NFYB: variants seen among roughly 807,000 people sequenced by gnomAD.
NFYB encodes CAAT box DNA-binding protein subunit B.
Under a neutral mutation model 28.0 loss-of-function variants are expected in NFYB, and 13 were observed. The observed-to-expected ratio is 0.46, with a 90% confidence interval of 0.30 to 0.74. The LOEUF (loss-of-function observed/expected upper bound fraction) is 0.74, where lower values mean the gene tolerates loss of function less well. Among genes scored for constraint, NFYB ranks in the 30% least tolerant of loss-of-function variants. The probability of loss-of-function intolerance (pLI) is 0.07; values close to 1 mark genes in which losing one functional copy is unlikely to be tolerated. For synonymous variants in NFYB, 74 were observed against 75.0 expected, an observed-to-expected ratio of 0.99 and a Z score of 0.07; for missense variants, 142 against 247.6, an observed-to-expected ratio of 0.57 and a Z score of 2.86.
chr12:104,129,064 G>A (rs1158818551), intron 2 of NFYB, among the ~76,000 whole-genome samples: 1 of 152,126 alleles, frequency 6.6e-6, no homozygotes, highest in Non-Finnish European at 1.5e-5. Flanking sequence ...GGCCAATAGC[G>A]ACAAGGAAAT....
rs2030348592 is a variant in NFYB, at chr12:104,118,550, C to T, written c.*1187G>A. ...ATATTAAAAACTTAAAAAAGAAATC[C>T]CTCAAGTTAATTAACACCAAAAAGA... On this transcript the variant is annotated 3_prime_UTR_variant, in exon 8 of 8. Coordinates refer to ENST00000240055, the MANE Select transcript of NFYB (RefSeq NM_006166.4). The T allele has an allele frequency of 6.6e-6, 1 of 152,452 alleles. No homozygotes were observed. The highest frequency in any genetic ancestry group is 6.6e-5 in the Admixed American group (1 of 15,252). 9.4% of individuals were successfully genotyped at this position (152,452 alleles called of 1,614,324 possible). A position where few individuals can be genotyped will look rare whatever the true frequency, so the allele number is the denominator to read the frequency against.
intron 2 of NFYB, among the ~76,000 whole-genome samples, chr12:104,133,432 T>C (rs2030994766): frequency 6.6e-6 from 1 of 152,222 alleles, no homozygotes; most frequent in Admixed American, 6.5e-5. Context: ...GTGAGATGGT[T>C]AAGAAGTGCA....
chr12:104,120,611 A>G (rs768570663), intron 6 of NFYB, 132 bp from the exon 7 acceptor site: 4 of 636,268 alleles, frequency 6.3e-6, no homozygotes, highest in African/African-American at 1.8e-5. Context: ...GGACAAAATA[A>G]TAAATCCTCC....
chr12:104,123,785 C>A (rs1355291368), intron 4 of NFYB, among the ~76,000 whole-genome samples: 1 of 152,058 alleles, frequency 6.6e-6, no homozygotes, highest in African/African-American at 2.4e-5. Context: ...CATGGCGAAA[C>A]CCCATCTCTA....
At chr12:104,124,714 T>G (rs190017526) in intron 4 of NFYB, among the ~76,000 whole-genome samples, 37 of 152,368 alleles carry the variant, frequency 2.4e-4, no homozygotes, top group Admixed American at 1.9e-3. Context: ...GTTTCAAATT[T>G]ACAACACATC....
chr12:104,125,204 T>C (rs959029779), intron 4 of NFYB: 6 of 152,516 alleles, frequency 3.9e-5, no homozygotes, highest in African/African-American at 1.4e-4. Context: ...ACGACCTAAA[T>C]TTACTGCAAC....
In NFYB at chr12:104,126,116, T is replaced by C; in HGVS notation, c.229A>G (p.Lys77Glu). 1 of 1,579,614 alleles carries C rather than the reference T, an allele frequency of 6.3e-7. No homozygotes were observed. The highest frequency in any genetic ancestry group is 8.6e-7 in the Non-Finnish European group (1 of 1,168,606). ...IMKNAIPQTG[K>E]IAKDAKECVQ... The stretch of plus-strand genomic sequence containing the variant: ...GTTAAATTTCTCCTCTACGTTACCT[T>C]TCCCGTTTGAGGTATGGCATTTTTC... Residue 77 changes from lysine (K) to glutamate (E), a missense_variant and splice_region_variant, in exon 4 of 8, where the codon AAG (lysine) becomes GAG (glutamate). By Grantham distance (56) the Lys-to-Glu change is moderately conservative (BLOSUM62 1). Transcript: ENST00000240055.
chr12:104,120,940 T>G (rs2030449689), intron 6 of NFYB, among the ~76,000 whole-genome samples: 1 of 152,198 alleles, frequency 6.6e-6, no homozygotes, highest in South Asian at 2.1e-4. Flanking sequence ...TTTATTTAAA[T>G]CATAAGATTT....
intron 3 of NFYB, 130 bp from the exon 4 acceptor site, chr12:104,126,374 A>G (rs183670921): frequency 1.6e-6 from 1 of 627,352 alleles, no homozygotes; most frequent in African/African-American, 1.9e-5. Flanking sequence ...GGATTAGGAT[A>G]GCAAGTCTCT....
chr12:104,121,199 T>C (rs200462434), intron 6 of NFYB, 41 bp downstream of exon 6: 11 of 1,490,450 alleles, frequency 7.4e-6, no homozygotes, highest in East Asian at 2.3e-5. Flanking sequence ...GTATGAATCA[T>C]TGCTAACAAT....
chr12:104,135,055 G>A (rs1949937438), intron 2 of NFYB, among the ~76,000 whole-genome samples: 1 of 152,164 alleles, frequency 6.6e-6, no homozygotes, highest in African/African-American at 2.4e-5. Flanking sequence ...TCAAGGCTCA[G>A]TTCAAGGTCT....
At chr12:104,125,992 T>C (rs1426193681) in intron 4 of NFYB, 122 bp downstream of exon 4, 2 of 1,024,766 alleles carry the variant, frequency 2.0e-6, no homozygotes, top group South Asian at 2.2e-5. Context: ...ATGAAAGAAA[T>C]ATTTGATTTG....
rs2136650577 is a variant in NFYB, at chr12:104,123,292, A to G, written c.363T>C (p.Ala121=). Reference sequence around the variant, plus strand: ...AACTGTCAAAGCCTAAAGTAGACATAGCAAAGAGAATATCTTCTCCATTGA... The same window carrying G: ...AACTGTCAAAGCCTAAAGTAGACATGGCAAAGAGAATATCTTCTCCATTGA... The part of the protein sequence containing the change: ...KTINGEDILF[A]MSTLGFDSYV... The change falls in exon 5 of 8, where the codon GCT becomes GCC. Residue 121 remains alanine (A), a synonymous_variant. Coordinates refer to ENST00000240055, the MANE Select transcript of NFYB (RefSeq NM_006166.4). 6.2e-7 allele frequency: 1 copy of G among 1,614,068 alleles called. No individual in the cohort carries two copies. Among genetic ancestry groups the G allele is most frequent in the Non-Finnish European group, 8.5e-7 (1 of 1,179,960 alleles).
intron 2 of NFYB, among the ~76,000 whole-genome samples, chr12:104,133,863 A>C (rs866700358): frequency 6.6e-6 from 1 of 152,146 alleles, no homozygotes; most frequent in Non-Finnish European, 1.5e-5. Context: ...ACAGAAGTAC[A>C]CAGAGATATA....
At chr12:104,132,692 C>T (rs552841400) in intron 2 of NFYB, among the ~76,000 whole-genome samples, 2 of 152,218 alleles carry the variant, frequency 1.3e-5, no homozygotes, top group East Asian at 1.9e-4. Context: ...CAGCTGTCAC[C>T]GCAGAGAATG....
chr12:104,126,724 G>A (rs2030730661), intron 3 of NFYB, among the ~76,000 whole-genome samples: 1 of 151,986 alleles, frequency 6.6e-6, no homozygotes, highest in Admixed American at 6.6e-5. Flanking sequence ...TTTATTATAC[G>A]ACTTAGCTAT....
At chr12:104,124,025 C>T (rs1032967017) in intron 4 of NFYB, among the ~76,000 whole-genome samples, 11 of 152,178 alleles carry the variant, frequency 7.2e-5, no homozygotes, top group African/African-American at 2.7e-4. Flanking sequence ...GTTCCTACCA[C>T]CCCACAGAGG....
Position 104,118,590 on chromosome 12 carries a change from A to G in NFYB, c.*1147T>C, listed in dbSNP as rs1169730757. On this transcript the variant is annotated 3_prime_UTR_variant, in exon 8 of 8. Coordinates refer to ENST00000240055, the MANE Select transcript of NFYB (RefSeq NM_006166.4). ...CACCAAAAAGAATAGATGAGAAAAT[A>G]CAAATCCTCACTTTTCAAAAAGAAA... 6.6e-6 allele frequency: 1 copy of G among 152,660 alleles called. No homozygotes were observed. The highest frequency in any genetic ancestry group is 2.4e-5 in the African/African-American group (1 of 41,460). The allele number at this position is 152,660 out of a possible 1,614,324, so 9.5% of individuals were successfully genotyped here. A position where few individuals can be genotyped will look rare whatever the true frequency, so the allele number is the denominator to read the frequency against.
At chr12:104,124,548 T>G (rs2030608920) in intron 4 of NFYB, among the ~76,000 whole-genome samples, 4 of 152,234 alleles carry the variant, frequency 2.6e-5, no homozygotes. Flanking sequence ...ATATGTCAGT[T>G]TAGATTCTCT....
Sources: gnomAD v4.1 joint callset for allele counts (sites outside exome capture counted in the v4.1 genomes callset) on GRCh38, gnomAD v4.1.1 for gene constraint, MANE v1.5 for transcripts, NCBI Gene and HGNC (gene_info 2026-07-23, HGNC 2026-07-21) for gene names.